The following ZBTB7C variants were observed in gnomAD, a reference collection of about 807,000 sequenced individuals.
ZBTB7C encodes zinc finger and BTB domain-containing protein 7C.
Under a neutral mutation model 25.7 loss-of-function variants are expected in ZBTB7C, and 8 were observed. That is an observed-to-expected ratio of 0.31 (90% CI 0.18 to 0.56). The LOEUF (loss-of-function observed/expected upper bound fraction) is 0.56. ZBTB7C is among the 20% of genes least tolerant of loss of function. The pLI is 0.91. For missense variants in ZBTB7C, 824 were observed against 855.2 expected, an observed-to-expected ratio of 0.96 and a Z score of 0.46; for synonymous variants, 394 against 369.0, an observed-to-expected ratio of 1.07 and a Z score of -0.78.
rs2047254407 is a variant in ZBTB7C, at chr18:48,367,232, C to CAA, written c.-303-28835_-303-28834insTT. Among the ~76,000 whole-genome samples the CAA allele has an allele frequency of 3.4e-5, 3 of 87,204 alleles. No individual in the cohort carries two copies. In the Admixed American group the frequency reaches 3.6e-4, roughly 10 times the overall value. 57.2% of individuals were successfully genotyped at this position (87,204 alleles called of 152,430 possible). On this transcript the variant is annotated intron_variant, in intron 1 of 4. Coordinates refer to ENST00000590800, the MANE Select transcript of ZBTB7C (RefSeq NM_001318841.2). ...ACACACACACACACACACACACACA[C>CAA]ATACATACACACACACACACATATA...
chr18:48,397,040 G>A (rs2048043737), intron 1 of ZBTB7C, among the ~76,000 whole-genome samples: 1 of 152,130 alleles, frequency 6.6e-6, no homozygotes, highest in African/African-American at 2.4e-5. Flanking sequence ...AGAGATATTG[G>A]TCAATGAATA....
rs532836865 is a variant in ZBTB7C, at chr18:48,289,346, A to G, written c.-79+48828T>C. 2.4e-4 allele frequency among the ~76,000 whole-genome samples: 36 copies of G among 152,310 alleles called. 1 individual carries two copies. The highest frequency in any genetic ancestry group is 7.9e-4 in the African/African-American group (33 of 41,582). On this transcript the variant is annotated intron_variant, in intron 2 of 4. Transcript: ENST00000590800. ...GAGTTGTAACACAAAAGAATCAGAC[A>G]CAATCTAAATGCCCATCAGCAAGAG... is the stretch of plus-strand genomic sequence containing the variant.
chr18:48,294,135 C>T (rs561608766), intron 2 of ZBTB7C, among the ~76,000 whole-genome samples: 1 of 152,288 alleles, frequency 6.6e-6, no homozygotes, highest in African/African-American at 2.4e-5. Context: ...CCTGGGAGCC[C>T]GGAGAGCACA....
At chr18:48,396,085 T>G (rs1366115590) in intron 1 of ZBTB7C, among the ~76,000 whole-genome samples, 2 of 152,158 alleles carry the variant, frequency 1.3e-5, no homozygotes, top group Non-Finnish European at 2.9e-5. Flanking sequence ...TAATTCACTT[T>G]TACAACCTTT....
chr18:48,240,165 A>T (rs1482683415), intron 2 of ZBTB7C, among the ~76,000 whole-genome samples: 2 of 151,958 alleles, frequency 1.3e-5, no homozygotes, highest in Non-Finnish European at 2.9e-5. Flanking sequence ...CCAACAAAGA[A>T]AAAAAAATTT....
intron 2 of ZBTB7C, among the ~76,000 whole-genome samples, chr18:48,208,195 A>G (rs1282680750): frequency 6.6e-6 from 1 of 152,152 alleles, no homozygotes; most frequent in Non-Finnish European, 1.5e-5. Context: ...TAAAAAGGTT[A>G]ATGCATCAAG....
chr18:48,398,950 T>A (rs966658298), intron 1 of ZBTB7C, among the ~76,000 whole-genome samples: 17 of 152,376 alleles, frequency 1.1e-4, no homozygotes, highest in African/African-American at 4.1e-4. Context: ...TAAATCTTCC[T>A]GTATTCAGAA....
chr18:48,297,677 A>C (rs1396377438), intron 2 of ZBTB7C, among the ~76,000 whole-genome samples: 1 of 152,228 alleles, frequency 6.6e-6, no homozygotes, highest in Non-Finnish European at 1.5e-5. Context: ...ACAGACTCCC[A>C]AATGGCATTG....
intron 2 of ZBTB7C, among the ~76,000 whole-genome samples, chr18:48,255,029 A>G (rs151201825): frequency 2.0e-5 from 3 of 152,338 alleles, no homozygotes; most frequent in East Asian, 3.9e-4. Context: ...GTCCCACCGA[A>G]CAAATCTTAT....
At chr18:48,159,261 C>T (rs1385087777) in intron 3 of ZBTB7C, among the ~76,000 whole-genome samples, 1 of 152,160 alleles carries the variant, frequency 6.6e-6, no homozygotes, top group Non-Finnish European at 1.5e-5. Context: ...AGTCAGACTG[C>T]TCTAGTGTGA....
In ZBTB7C at chr18:48,153,923, T is replaced by C. The variant is rs1461128001; in HGVS notation, c.-17+32011A>G. 7.9e-5 allele frequency among the ~76,000 whole-genome samples: 12 copies of C among 152,174 alleles called. No homozygotes were observed. The East Asian group carries it at 2.3e-3, about 29-fold the overall frequency. On this transcript the variant is annotated intron_variant, in intron 3 of 4. Transcript: ENST00000590800. ...CTGGAAGCCCCAGGGCCTAGGAGGC[T>C]GTAGGAACAGCCAGCTCTGAGGAAA...
At chr18:48,063,801 T>C (rs1372618353) in intron 3 of ZBTB7C, among the ~76,000 whole-genome samples, 1 of 152,210 alleles carries the variant, frequency 6.6e-6, no homozygotes, top group Non-Finnish European at 1.5e-5. Flanking sequence ...GACTGGAATG[T>C]AAAAGCGTCC....
At chr18:48,352,375 CT>C (rs1394994377) in intron 1 of ZBTB7C, among the ~76,000 whole-genome samples, 2 of 152,362 alleles carry the variant, frequency 1.3e-5, no homozygotes, top group African/African-American at 2.4e-5. Flanking sequence ...GGGCCAGGCC[CT>C]GGGGGCATCC....
intron 2 of ZBTB7C, among the ~76,000 whole-genome samples, chr18:48,254,855 C>T (rs1024908641): frequency 6.6e-6 from 1 of 152,180 alleles, no homozygotes; most frequent in Admixed American, 6.5e-5. Flanking sequence ...AGTGTACTGA[C>T]TTGCCATGCA....
In ZBTB7C at chr18:48,235,322, C is replaced by T. The variant is rs189460023; in HGVS notation, c.-78-49327G>A. ...TTAGAAATTACACACTCCATTTCTA[C>T]GTTTTAGTGCTTACTCTTAAATGTT... is the stretch of plus-strand genomic sequence containing the variant. On this transcript the variant is annotated intron_variant, in intron 2 of 4. Coordinates refer to ENST00000590800, the MANE Select transcript of ZBTB7C (RefSeq NM_001318841.2). Among the ~76,000 whole-genome samples, 18 of 152,154 alleles carry T rather than the reference C, an allele frequency of 1.2e-4. No homozygotes were observed. The East Asian group carries it at 1.9e-3, about 16-fold the overall frequency.
In ZBTB7C at chr18:48,029,527, G is replaced by C. The variant is rs1195149148; in HGVS notation, c.1593C>G (p.Ala531=). The C allele has an allele frequency of 6.3e-7, 1 of 1,576,442 alleles. No individual in the cohort carries two copies. Among genetic ancestry groups the C allele is most frequent in the Admixed American group, 1.8e-5 (1 of 55,938 alleles). The change falls in exon 5 of 5, where the codon GCC becomes GCG. Residue 531 remains alanine (A), a synonymous_variant. Coordinates refer to ENST00000590800, the MANE Select transcript of ZBTB7C (RefSeq NM_001318841.2). ...AAVCLPGPSP[A]KHFLAAPKGA... ...CCTTGGGCGCTGCCAGGAAGTGCTT[G>C]GCGGGGCTGGGGCCCGGGAGGCACA...
At chr18:48,370,279 A>G (rs2047356148) in intron 1 of ZBTB7C, among the ~76,000 whole-genome samples, 1 of 152,192 alleles carries the variant, frequency 6.6e-6, no homozygotes. Context: ...ACCCAGACGA[A>G]TCTTCAGGGA....
At chr18:48,032,523 A>G (rs181156892) in intron 4 of ZBTB7C, among the ~76,000 whole-genome samples, 4,461 of 130,576 alleles carry the variant, frequency 0.034, 84 homozygotes, top group African/African-American at 0.038. Flanking sequence ...CAAGCTCCGC[A>G]TCCCGGGTTC....
intron 3 of ZBTB7C, among the ~76,000 whole-genome samples, chr18:48,157,551 A>G (rs932643676): frequency 1.5e-4 from 23 of 152,202 alleles, no homozygotes; most frequent in Admixed American, 1.4e-3. Flanking sequence ...ACAGAGACCC[A>G]GTTGGTTATA....
Sources: allele counts gnomAD v4.1 joint callset (sites outside exome capture counted in the v4.1 genomes callset), GRCh38; gene constraint gnomAD v4.1.1; transcripts MANE v1.5; gene names NCBI Gene and HGNC (gene_info 2026-07-23, HGNC 2026-07-21).